FUT8: variants seen among roughly 807,000 people sequenced by gnomAD.
The protein encoded by FUT8 is alpha-(1,6)-fucosyltransferase.
FUT8 carries 29 observed loss-of-function variants against 71.3 expected under a neutral mutation model. The observed-to-expected ratio is 0.41, with a 90% confidence interval of 0.30 to 0.55. The LOEUF (loss-of-function observed/expected upper bound fraction) is 0.55, where lower values mean the gene tolerates loss of function less well. Among genes scored for constraint, FUT8 ranks in the 20% least tolerant of loss-of-function variants. The probability of loss-of-function intolerance (pLI) is 0.34; values close to 1 mark genes in which losing one functional copy is unlikely to be tolerated. For missense variants in FUT8, 544 were observed against 702.1 expected, an observed-to-expected ratio of 0.77 and a Z score of 2.55; for synonymous variants, 254 against 239.3, an observed-to-expected ratio of 1.06 and a Z score of -0.57.
chr14:65,468,685 C>A (rs555621286), intron 2 of FUT8, among the ~76,000 whole-genome samples: 1 of 152,238 alleles, frequency 6.6e-6, no homozygotes, highest in South Asian at 2.1e-4. Context: ...TTGGTGTTCT[C>A]TGAACTTCCA....
chr14:65,407,549 C>T (rs1332351156), upstream of FUT8, among the ~76,000 whole-genome samples: 2 of 152,192 alleles, frequency 1.3e-5, no homozygotes, highest in Non-Finnish European at 2.9e-5. Context: ...GTGATCCTCC[C>T]ACCTTGGCTT....
intron 1 of FUT8, among the ~76,000 whole-genome samples, chr14:65,425,261 G>A (rs2065365893): frequency 6.6e-6 from 1 of 151,734 alleles, no homozygotes; most frequent in African/African-American, 2.4e-5. Context: ...CACCTCCTGG[G>A]TTCAAGCGAT....
chr14:65,362,473 C>T, the FUT8 span, among the ~76,000 whole-genome samples: 2 of 151,498 alleles, frequency 1.3e-5, no homozygotes, highest in African/African-American at 4.9e-5. Context: ...CCCAGGAGTT[C>T]GAGGCCAGCC....
intron 3 of FUT8, 142 bp downstream of exon 3, chr14:65,561,908 C>A: frequency 1.4e-6 from 1 of 714,190 alleles, no homozygotes; most frequent in Non-Finnish European, 2.3e-6. Context: ...AGTTTTCTAT[C>A]TCTGTGTATT....
intron 2 of FUT8, chr14:65,468,389 ATTTTTT>A (rs139616800): frequency 6.4e-6 from 2 of 314,592 alleles, no homozygotes; most frequent in South Asian, 3.3e-5. Context: ...GAAAGGTTGG[ATTTTTT>A]TTTTTTTTTT....
intron 1 of FUT8, among the ~76,000 whole-genome samples, chr14:65,438,418 G>C (rs765386006): frequency 6.6e-6 from 1 of 152,160 alleles, no homozygotes; most frequent in Non-Finnish European, 1.5e-5. Context: ...TGGTCAGTTA[G>C]ATGTCAGTAG....
intron 2 of FUT8, among the ~76,000 whole-genome samples, chr14:65,470,618 C>T (rs761886615): frequency 4.5e-4 from 69 of 152,168 alleles, no homozygotes; most frequent in Non-Finnish European, 9.1e-4. Flanking sequence ...GATAACTGTC[C>T]GGCCTGGCTG....
chr14:65,597,458 C>G (rs574375537), intron 3 of FUT8, among the ~76,000 whole-genome samples: 1 of 151,926 alleles, frequency 6.6e-6, no homozygotes, highest in East Asian at 1.9e-4. Context: ...CCCGTCTCTA[C>G]TAAAAATACA....
chr14:65,630,551 T>C (rs1224420284), intron 6 of FUT8, among the ~76,000 whole-genome samples: 1 of 152,192 alleles, frequency 6.6e-6, no homozygotes, highest in Non-Finnish European at 1.5e-5. Flanking sequence ...TAGTTGAACT[T>C]GATTATTTGA....
chr14:65,470,904 C>G (rs1197485136), intron 2 of FUT8, among the ~76,000 whole-genome samples: 1 of 152,022 alleles, frequency 6.6e-6, no homozygotes, highest in South Asian at 2.1e-4. Context: ...GGGGGTCTGT[C>G]CGCCTCTCCC....
At chr14:65,391,262 T>C in the FUT8 span, among the ~76,000 whole-genome samples, 1 of 152,240 alleles carries the variant, frequency 6.6e-6, no homozygotes, top group Non-Finnish European at 1.5e-5. Flanking sequence ...ATTTACAAGA[T>C]GTTAACTTTT....
At position 65,638,383 on chromosome 14, in the gene FUT8, T is replaced by C. The variant is rs1303365332; in HGVS notation, c.597+8777T>C. Among the ~76,000 whole-genome samples the C allele has an allele frequency of 6.6e-6, 1 of 152,124 alleles. No individual in the cohort carries two copies. The highest frequency in any genetic ancestry group is 2.4e-5 in the African/African-American group (1 of 41,390). On this transcript the variant is annotated intron_variant, in intron 6 of 10. Transcript: ENST00000673929. This position sits in a 1 kb window ranked among gnomAD's most constrained non-coding sequence, Gnocchi z 4.5. ...TGGTTTGCCCCCGTGTTTTGCTTGC[T>C]TTGGTTTATGTTTTGAATAGGACTT...
chr14:65,368,050 C>CTTTTT, the FUT8 span, among the ~76,000 whole-genome samples: 2 of 85,812 alleles, frequency 2.3e-5, no homozygotes, highest in Non-Finnish European at 4.7e-5. Context: ...GGCAAAATTA[C>CTTTTT]TTTTTTTTTT....
chr14:65,523,425 G>GTT (rs147422602), intron 2 of FUT8, among the ~76,000 whole-genome samples: 1 of 151,896 alleles, frequency 6.6e-6, no homozygotes, highest in Non-Finnish European at 1.5e-5. Context: ...GAGGTTGTTT[G>GTT]TTTTTTTCTT....
chr14:65,677,151 T>TGTGTGTGTGCGCGCGCGCGCGCAC, intron 7 of FUT8, among the ~76,000 whole-genome samples: 2 of 110,702 alleles, frequency 1.8e-5, no homozygotes, highest in Non-Finnish European at 3.6e-5. Flanking sequence ...TGTGTGTGTG[T>TGTGTGTGTGCGCGCGCGCGCGCAC]GCGCGCGCGC....
chr14:65,436,686 G>A (rs2065566395), intron 1 of FUT8, among the ~76,000 whole-genome samples: 1 of 151,954 alleles, frequency 6.6e-6, no homozygotes, highest in Non-Finnish European at 1.5e-5. Flanking sequence ...CCCTGACAAG[G>A]TCTTTGACAA....
intron 6 of FUT8, chr14:65,636,381 C>CTGGGTT (rs983765681): frequency 1.4e-4 from 21 of 151,316 alleles, no homozygotes; most frequent in African/African-American, 5.1e-4. Context: ...CTTTCTTCTG[C>CTGGGTT]TGGGTTTGGG....
chr14:65,678,945 G>A (rs993206561), intron 7 of FUT8, among the ~76,000 whole-genome samples: 4 of 152,140 alleles, frequency 2.6e-5, no homozygotes, highest in Admixed American at 2.6e-4. Flanking sequence ...ACGTAGTATT[G>A]AAGCACTGCA....
At chr14:65,449,533 T>C (rs756551466) in intron 1 of FUT8, among the ~76,000 whole-genome samples, 1 of 152,220 alleles carries the variant, frequency 6.6e-6, no homozygotes, top group Non-Finnish European at 1.5e-5. Flanking sequence ...GGAAGCAATA[T>C]ACCATTGTCA....
Sources: gnomAD v4.1 joint callset for allele counts (sites outside exome capture counted in the v4.1 genomes callset) on GRCh38, gnomAD v4.1.1 for gene constraint, Gnocchi (gnomAD v3.1) non-coding constraint, MANE v1.5 for transcripts, NCBI Gene and HGNC (gene_info 2026-07-23, HGNC 2026-07-21) for gene names.